Variants in DYSF observed in about 807,000 individuals in gnomAD.
DYSF encodes the protein dysferlin.
A neutral mutation model predicts 274.9 loss-of-function variants in DYSF; 212 were observed. The observed-to-expected ratio is 0.77, with a 90% CI of 0.69 to 0.86. The LOEUF is 0.86. Ranked by LOEUF, DYSF falls within the 40% of genes least tolerant of loss-of-function variation. The pLI, the probability that DYSF is intolerant of heterozygous loss-of-function variation, is 0.00. For synonymous variants in DYSF, 1,091 were observed against 1,078.7 expected (o/e 1.01, Z -0.22); for missense variants, 2,666 against 2,783.2 (o/e 0.96, Z 0.95).
intron 41 of DYSF, among the ~76,000 whole-genome samples, chr2:71,629,318 A>T (rs2094272281): frequency 6.6e-6 from 1 of 152,086 alleles, no homozygotes; most frequent in African/African-American, 2.4e-5. Context: ...TTTATTTTTG[A>T]AGGTCTCCTG....
At chr2:71,470,186 C>G (rs1416799940) in intron 1 of DYSF, among the ~76,000 whole-genome samples, 2 of 152,178 alleles carry the variant, frequency 1.3e-5, no homozygotes, top group African/African-American at 4.8e-5. Flanking sequence ...CAGCCTCCCC[C>G]TCCCACCTCT....
rs141068190 is a variant in DYSF, at chr2:71,566,235, G to A, written c.2566-1716G>A. On this transcript the variant is annotated intron_variant, in intron 24 of 55. Transcript: ENST00000410020. Reference sequence around the variant, plus strand: ...CTGCGAGAGTGGCGGGGGCGGGGCGGGGGGTGCTGCTGAATTGTGCCTGGT... The same window carrying A: ...CTGCGAGAGTGGCGGGGGCGGGGCGAGGGGTGCTGCTGAATTGTGCCTGGT... 6.7e-3 allele frequency among the ~76,000 whole-genome samples: 1,015 copies of A among 151,312 alleles called. 6 individuals are homozygous for A. Among genetic ancestry groups the A allele is most frequent in the Non-Finnish European group, 0.012 (792 of 67,726 alleles).
chr2:71,582,106 C>CA (rs1159294834), intron 30 of DYSF, among the ~76,000 whole-genome samples: 5,693 of 34,870 alleles, frequency 0.16, 1,194 homozygotes, highest in African/African-American at 0.25. Flanking sequence ...GACTCCGTCT[C>CA]AAAAAAAAAA....
chr2:71,664,414 G>T lies in DYSF; in HGVS notation c.5150G>T (p.Cys1717Phe), dbSNP rs753279446. The change falls in exon 46 of 56, where the codon TGT (cysteine) becomes TTT (phenylalanine). Residue 1717 changes from cysteine (C) to phenylalanine (F), a missense_variant. Cys to Phe is a radical substitution (Grantham distance 205). Coordinates refer to ENST00000410020, the MANE Select transcript of DYSF (RefSeq NM_001130987.2). Reference sequence around the variant, plus strand: ...CTGCTGTCCAAGTTTGGGGCTCGCTGTGGACTCCCACAGACCTACTGTGTG... The same window carrying T: ...CTGCTGTCCAAGTTTGGGGCTCGCTTTGGACTCCCACAGACCTACTGTGTG... ...NRLLSKFGAR[C>F]GLPQTYCVSG... is the part of the protein sequence containing the mutation. The T allele has an allele frequency of 6.2e-7, 1 of 1,614,202 alleles. No homozygotes were observed. Among genetic ancestry groups the T allele is most frequent in the Non-Finnish European group, 8.5e-7 (1 of 1,180,028 alleles).
chr2:71,591,156 C>T (rs970879837), intron 32 of DYSF, among the ~76,000 whole-genome samples: 11 of 152,402 alleles, frequency 7.2e-5, no homozygotes, highest in African/African-American at 2.6e-4. Context: ...TTGCCCATGT[C>T]TGGCCTTTGC....
At chr2:71,552,262 T>C (rs1198218551) in intron 19 of DYSF, among the ~76,000 whole-genome samples, 2 of 152,224 alleles carry the variant, frequency 1.3e-5, no homozygotes, top group African/African-American at 4.8e-5. Context: ...CAGATCGCTC[T>C]GGTTTGAATC....
intron 36 of DYSF, chr2:71,610,924 AT>A: frequency 2.4e-6 from 1 of 410,766 alleles, no homozygotes; most frequent in Non-Finnish European, 4.6e-6. Flanking sequence ...CTGTGTGCGT[AT>A]CAGGGAGGGG....
intron 41 of DYSF, among the ~76,000 whole-genome samples, chr2:71,638,269 C>G (rs1050774873): frequency 2.0e-5 from 3 of 148,444 alleles, no homozygotes; most frequent in Admixed American, 6.8e-5. Context: ...AATACAGGTT[C>G]TTATTTAAAG....
intron 41 of DYSF, among the ~76,000 whole-genome samples, chr2:71,641,995 G>A (rs73942367): frequency 0.018 from 2,759 of 152,218 alleles, 38 homozygotes; most frequent in African/African-American, 0.035. Context: ...TGTCTATTTA[G>A]TTGTCACTGT....
intron 21 of DYSF, among the ~76,000 whole-genome samples, 162 bp downstream of exon 21, chr2:71,554,093 C>T (rs1368604440): frequency 6.6e-6 from 1 of 152,184 alleles, no homozygotes; most frequent in Admixed American, 6.5e-5. Context: ...CAATACCAGG[C>T]TTGTGGTCCT....
At chr2:71,530,230 G>C (rs1406401570) in intron 14 of DYSF, among the ~76,000 whole-genome samples, 2 of 152,250 alleles carry the variant, frequency 1.3e-5, no homozygotes, top group South Asian at 2.1e-4. Context: ...TGGGACACTA[G>C]CTCCAAGGAC....
At chr2:71,549,074 T>C (rs1363493751) in intron 17 of DYSF, among the ~76,000 whole-genome samples, 1 of 152,208 alleles carries the variant, frequency 6.6e-6, no homozygotes, top group Non-Finnish European at 1.5e-5. Context: ...GGTTTTCAAC[T>C]GGCAAACGGA....
At chr2:71,637,929 C>A (rs1480484942) in intron 41 of DYSF, among the ~76,000 whole-genome samples, 1 of 152,120 alleles carries the variant, frequency 6.6e-6, no homozygotes, top group Non-Finnish European at 1.5e-5. Flanking sequence ...GAGCAGCCGG[C>A]CAGCTGGTGT....
chr2:71,481,030 C>T lies in DYSF; in HGVS notation c.147+92C>T, dbSNP rs555685135. 144 of 1,279,124 alleles carry T rather than the reference C, an allele frequency of 1.1e-4. 1 individual carries two copies. In the East Asian group the frequency reaches 2.8e-3, roughly 25 times the overall value. The allele number at this position is 1,279,124 out of a possible 1,614,324, so 79.2% of individuals were successfully genotyped here. ...GGGGCTTGTGGAGGAGGTGCCTTCT[C>T]AGCAGTGTCCTTGAGGTGGGGAGGG... On this transcript the variant is annotated intron_variant, in intron 2 of 55. Coordinates refer to ENST00000410020, the MANE Select transcript of DYSF (RefSeq NM_001130987.2).
rs779597970 is a variant in DYSF, at chr2:71,620,624, C to T, written c.4527+15C>T. ...CCAGTCCTCATGTATGTACTGTTTA[C>T]TTATTTGTGGGCTCCTTGTATTCCC... On this transcript the variant is annotated intron_variant, in intron 41 of 55. Coordinates refer to ENST00000410020, the MANE Select transcript of DYSF (RefSeq NM_001130987.2). The T allele has an allele frequency of 2.8e-5, 41 of 1,488,254 alleles. No individual in the cohort carries two copies. The highest frequency in any genetic ancestry group is 1.4e-4 in the Admixed American group (7 of 48,360). 92.2% of individuals were successfully genotyped at this position (1,488,254 alleles called of 1,614,324 possible).
chr2:71,472,922 G>C (rs2082139806), intron 1 of DYSF, among the ~76,000 whole-genome samples: 1 of 152,140 alleles, frequency 6.6e-6, no homozygotes, highest in South Asian at 2.1e-4. Flanking sequence ...TTCTTTAATT[G>C]GCAAGTAAAA....
At chr2:71,565,103 T>A (rs2092002430) in intron 24 of DYSF, among the ~76,000 whole-genome samples, 1 of 151,918 alleles carries the variant, frequency 6.6e-6, no homozygotes, top group South Asian at 2.1e-4. Context: ...TTTTTTGAGT[T>A]GGAATCTCAT....
chr2:71,677,062 T>C (rs1313773184), intron 52 of DYSF, among the ~76,000 whole-genome samples: 1 of 152,118 alleles, frequency 6.6e-6, no homozygotes, highest in East Asian at 1.9e-4. Context: ...GGGTGGAGCA[T>C]AGATGAATGC....
intron 10 of DYSF, 71 bp downstream of exon 10, chr2:71,517,110 G>C: frequency 7.2e-7 from 1 of 1,397,496 alleles, no homozygotes; most frequent in Non-Finnish European, 1.0e-6. Flanking sequence ...TGTGGACCAT[G>C]GGCAGGGGCT....
Sources: allele counts gnomAD v4.1 joint callset (sites outside exome capture counted in the v4.1 genomes callset), GRCh38; gene constraint gnomAD v4.1.1; transcripts MANE v1.5; gene names NCBI Gene and HGNC (gene_info 2026-07-23, HGNC 2026-07-21).